C1RL: variants seen among roughly 807,000 people sequenced by gnomAD.
C1RL encodes complement C1r subcomponent like, also known as complement C1r subcomponent-like protein.
In C1RL, 27 loss-of-function variants were observed where a neutral mutation model predicts 27.9. That is an observed-to-expected ratio of 0.97 (90% CI 0.71 to 1.33). The LOEUF (loss-of-function observed/expected upper bound fraction) is 1.33. C1RL is among the 40% of genes most tolerant of loss of function. C1RL has a pLI of 0.00. For missense variants in C1RL, 563 were observed against 623.9 expected (o/e 0.90, Z 1.04); for synonymous variants, 248 against 252.1 (o/e 0.98, Z 0.15).
chr12:7,099,142 T>G (rs1938536693), intron 5 of C1RL, among the ~76,000 whole-genome samples: 1 of 146,096 alleles, frequency 6.8e-6, no homozygotes, highest in Non-Finnish European at 1.5e-5. Flanking sequence ...GGAGAATCGC[T>G]TGAACCCAGG....
chr12:7,096,877 G>T lies in C1RL; in HGVS notation c.978C>A (p.Pro326=), dbSNP rs143762434. ...TATGGGACTCATTCTGACGGTAGTC[G>T]GGGTGCACAACGACACGGTGGACAG... is the stretch of plus-strand genomic sequence containing the variant. ...NHPVHRVVVH[P]DYRQNESHNF... Residue 326 remains proline, a synonymous_variant, in exon 6 of 6, where the codon CCC becomes CCA. Transcript: ENST00000266542. 5.0e-6 allele frequency: 8 copies of T among 1,599,220 alleles called. No individual in the cohort carries two copies. The highest frequency in any genetic ancestry group is 1.7e-5 in the Admixed American group (1 of 59,084).
intron 2 of C1RL, chr12:7,108,027 CTGCCCTCT>C: frequency 9.4e-6 from 4 of 427,434 alleles, no homozygotes; most frequent in Non-Finnish European, 1.7e-5. Flanking sequence ...GGCCTGCTTG[CTGCCCTCT>C]TTGCTCTGTG....
At position 7,097,067 on chromosome 12, in the gene C1RL, C is replaced by G. The variant is rs1377041955; in HGVS notation, c.788G>C (p.Ser263Thr). 7 of 1,614,136 alleles carry G rather than the reference C, an allele frequency of 4.3e-6. No homozygotes were observed. Among genetic ancestry groups the G allele is most frequent in the Non-Finnish European group, 5.1e-6 (6 of 1,180,014 alleles). The change falls in exon 6 of 6, where the codon AGT becomes ACT. Residue 263 changes from serine (S) to threonine (T), a missense_variant. By Grantham distance (58) the Ser-to-Thr change is moderately conservative. Coordinates refer to ENST00000266542, the MANE Select transcript of C1RL (RefSeq NM_016546.4). ...LGNFPWQAFT[S>T]IHGRGGGALL... ...GGCCCCGCCCCCACGGCCGTGGATA[C>G]TGGTGAAGGCTTGCCAGGGGAAGTT...
intron 2 of C1RL, among the ~76,000 whole-genome samples, chr12:7,106,334 C>T (rs780529776): frequency 2.6e-5 from 4 of 152,266 alleles, no homozygotes; most frequent in Admixed American, 6.5e-5. Context: ...AGAACTGAGA[C>T]ATTTAGACAT....
chr12:7,102,468 G>C (rs374426460), intron 2 of C1RL, among the ~76,000 whole-genome samples: 5 of 152,178 alleles, frequency 3.3e-5, no homozygotes, highest in African/African-American at 9.7e-5. Flanking sequence ...GGTGCTCAGC[G>C]TGGTACCTAC....
At position 7,096,280 on chromosome 12, in the gene C1RL, T is replaced by TCCCCCCACCCCCCCC; in HGVS notation, c.*110_*111insGGGGGGGGTGGGGGG. ...GTGATGTGAATAGGATTTCCCTGCC[T>TCCCCCCACCCCCCCC]CCCCCAACCCCCCACCCCCAACCCC... On this transcript the variant is annotated 3_prime_UTR_variant, in exon 6 of 6. Transcript: ENST00000266542. 3.0e-6 allele frequency: 3 copies of TCCCCCCACCCCCCCC among 992,738 alleles called. No homozygotes were observed. Among genetic ancestry groups the TCCCCCCACCCCCCCC allele is most frequent in the Non-Finnish European group, 3.6e-6 (3 of 832,242 alleles). 61.5% of individuals were successfully genotyped at this position (992,738 alleles called of 1,614,324 possible). A position where few individuals can be genotyped will look rare whatever the true frequency, so the allele number is the denominator to read the frequency against.
chr12:7,106,805 A>T (rs978736509), intron 2 of C1RL, among the ~76,000 whole-genome samples: 1 of 152,220 alleles, frequency 6.6e-6, no homozygotes, highest in Non-Finnish European at 1.5e-5. Flanking sequence ...TGGAGAAGAA[A>T]AGAAATATAA....
At chr12:7,108,865 C>A in intron 1 of C1RL, 1 of 557,956 alleles carries the variant, frequency 1.8e-6, no homozygotes, top group Non-Finnish European at 3.2e-6. Flanking sequence ...CCCCGACCAC[C>A]CTCTGGGAAG....
chr12:7,108,524 C>G lies in C1RL; in HGVS notation c.72-45G>C, dbSNP rs745696237. 14 of 1,490,988 alleles carry G rather than the reference C, an allele frequency of 9.4e-6. 1 individual carries two copies. The South Asian group carries it at 1.8e-4, about 19-fold the overall frequency. 92.4% of individuals were successfully genotyped at this position (1,490,988 alleles called of 1,614,324 possible). A position where few individuals can be genotyped will look rare whatever the true frequency, so the allele number is the denominator to read the frequency against. On this transcript the variant is annotated intron_variant, in intron 1 of 5. Transcript: ENST00000266542. Reference sequence around the variant, plus strand: ...CAAGGTGGGGCCGCGCAGCTATGGCCGGAAGCCTGTGGGTGTGGGAGGAGC... The same window carrying G: ...CAAGGTGGGGCCGCGCAGCTATGGCGGGAAGCCTGTGGGTGTGGGAGGAGC...
At chr12:7,097,267 A>T (rs11613834) in intron 5 of C1RL, 104 bp from the exon 6 acceptor site, 1 of 937,014 alleles carries the variant, frequency 1.1e-6, no homozygotes, top group Non-Finnish European at 1.5e-6. Flanking sequence ...GCGTGAAGAG[A>T]CTCTGGGATC....
At chr12:7,102,680 C>T (rs185357954) in intron 2 of C1RL, among the ~76,000 whole-genome samples, 2 of 152,312 alleles carry the variant, frequency 1.3e-5, no homozygotes, top group East Asian at 3.8e-4. Flanking sequence ...TGGGGTGCCC[C>T]TCCTCTTATC....
rs964518700 is a variant in C1RL at position 7,096,693 on chromosome 12, C to G, written c.1162G>C (p.Glu388Gln). 9 of 1,614,002 alleles carry G rather than the reference C, an allele frequency of 5.6e-6. No individual in the cohort carries two copies. The highest frequency in any genetic ancestry group is 4.2e-6 in the Non-Finnish European group (5 of 1,180,014). ...FGMEMGWLTT[E>Q]LKYSRLPVAP... ...ACAGGCAGCCTCGAGTACTTCAGCTCAGTAGTTAGCCAGCCCATCTCCATG... is the reference window on the plus strand; with the variant it reads ...ACAGGCAGCCTCGAGTACTTCAGCTGAGTAGTTAGCCAGCCCATCTCCATG... Residue 388 changes from glutamate (E) to glutamine (Q), a missense_variant, in exon 6 of 6, where the codon GAG becomes CAG. Transcript: ENST00000266542.
At chr12:7,097,357 A>T in intron 5 of C1RL, 194 bp from the exon 6 acceptor site, 5 of 541,504 alleles carry the variant, frequency 9.2e-6, no homozygotes, top group Non-Finnish European at 1.6e-5. Context: ...ATCTCGGCTC[A>T]CTGCAACCTC....
chr12:7,098,492 G>A (rs559310174), intron 5 of C1RL: 7 of 152,254 alleles, frequency 4.6e-5, no homozygotes, highest in East Asian at 1.9e-4. Context: ...AGAAACGTAC[G>A]TTGATATAAA....
chr12:7,106,538 C>T (rs1444032399), intron 2 of C1RL, among the ~76,000 whole-genome samples: 5 of 152,170 alleles, frequency 3.3e-5, no homozygotes, highest in Admixed American at 6.5e-5. Flanking sequence ...GAGCAAAGAA[C>T]TCAGGCTGTG....
At position 7,094,630 on chromosome 12, in the gene C1RL, A is replaced by G. The variant is rs1938374250; in HGVS notation, c.*1761T>C. On this transcript the variant is annotated 3_prime_UTR_variant, in exon 6 of 6. Transcript: ENST00000266542. ...TTTTGCAATCATAAAAATAAGCAAA[A>G]TAAAATAAAAACATTTCATGCTCAT... 2.1e-6 allele frequency: 2 copies of G among 975,590 alleles called. No individual in the cohort carries two copies. Among genetic ancestry groups the G allele is most frequent in the Non-Finnish European group, 1.2e-6 (1 of 820,932 alleles). The allele number at this position is 975,590 out of a possible 1,614,324, so 60.4% of individuals were successfully genotyped here. A position where few individuals can be genotyped will look rare whatever the true frequency, so the allele number is the denominator to read the frequency against.
At chr12:7,101,214 T>A (rs1388971039) in intron 3 of C1RL, among the ~76,000 whole-genome samples, 2 of 105,838 alleles carry the variant, frequency 1.9e-5, no homozygotes, top group Non-Finnish European at 4.0e-5. Context: ...CTCTTTCTCC[T>A]TTCTCGCTTT....
At chr12:7,102,232 G>T (rs1455441972) in intron 2 of C1RL, 145 bp from the exon 3 acceptor site, 3 of 719,002 alleles carry the variant, frequency 4.2e-6, no homozygotes, top group Non-Finnish European at 4.5e-6. Flanking sequence ...CCTCACAGAG[G>T]CTTCCTCAAC....
In C1RL at chr12:7,097,154, C is replaced by T. The variant is rs762003491; in HGVS notation, c.701G>A (p.Arg234Gln). Residue 234 changes from arginine (R) to glutamine (Q), a missense_variant, in exon 6 of 6, where the codon CGG (arginine) becomes CAG (glutamine). Arg to Gln is a conservative substitution (Grantham distance 43, BLOSUM62 1). Transcript: ENST00000266542. Reference sequence around the variant, plus strand: ...ATTCTGGGCAATGGGGGTGACTGGCCGTCCGCAGACTGGGAGAGAGGCGGG... The same window carrying T: ...ATTCTGGGCAATGGGGGTGACTGGCTGTCCGCAGACTGGGAGAGAGGCGGG... Reference protein sequence around the residue: ...EVLQCMPVCGRPVTPIAQNQT... With the variant: ...EVLQCMPVCGQPVTPIAQNQT... 7 of 1,603,162 alleles carry T rather than the reference C, an allele frequency of 4.4e-6. No individual in the cohort carries two copies. Among genetic ancestry groups the T allele is most frequent in the Non-Finnish European group, 6.0e-6 (7 of 1,173,960 alleles).
Sources: allele counts gnomAD v4.1 joint callset (sites outside exome capture counted in the v4.1 genomes callset), GRCh38; gene constraint gnomAD v4.1.1; transcripts MANE v1.5; gene names NCBI Gene and HGNC (gene_info 2026-07-23, HGNC 2026-07-21).